Variants in KBTBD12 observed in about 807,000 individuals in gnomAD.
The protein encoded by KBTBD12 is kelch repeat and BTB domain-containing protein 12.
KBTBD12 carries 53 observed loss-of-function variants against 58.7 expected under a neutral mutation model. That is an observed-to-expected ratio of 0.90 (90% CI 0.72 to 1.14). The LOEUF (loss-of-function observed/expected upper bound fraction) is 1.14, where lower values mean the gene tolerates loss of function less well. Among genes scored for constraint, KBTBD12 ranks in the 50% most tolerant of loss-of-function variants. KBTBD12 has a pLI of 0.00. For missense variants in KBTBD12, 704 were observed against 751.3 expected (o/e 0.94, Z 0.74); for synonymous variants, 236 against 259.8 (o/e 0.91, Z 0.88).
intron 2 of KBTBD12, among the ~76,000 whole-genome samples, chr3:127,924,864 T>A (rs1939526520): frequency 6.6e-6 from 1 of 152,210 alleles, no homozygotes; most frequent in Non-Finnish European, 1.5e-5. Flanking sequence ...ATAGGTTTAT[T>A]TACTGTTTAT....
At chr3:127,952,534 G>A (rs1223642351) in intron 4 of KBTBD12, among the ~76,000 whole-genome samples, 1 of 152,074 alleles carries the variant, frequency 6.6e-6, no homozygotes, top group African/African-American at 2.4e-5. Context: ...CATATAAATA[G>A]ATTTTACATA....
chr3:127,939,002 C>T (rs374169969), intron 4 of KBTBD12, among the ~76,000 whole-genome samples: 1 of 152,270 alleles, frequency 6.6e-6, no homozygotes, highest in Non-Finnish European at 1.5e-5. Context: ...ACTAGAAACC[C>T]GGAAGTGGCC....
chr3:127,940,836 C>G (rs1280961485), intron 4 of KBTBD12, among the ~76,000 whole-genome samples: 3 of 151,914 alleles, frequency 2.0e-5, no homozygotes, highest in African/African-American at 4.8e-5. Context: ...AAGAGGAATA[C>G]AGTACAGATT....
chr3:127,932,461 C>T (rs1315628404), intron 4 of KBTBD12, among the ~76,000 whole-genome samples: 4 of 152,102 alleles, frequency 2.6e-5, no homozygotes, highest in African/African-American at 9.7e-5. Context: ...TCTATATGTA[C>T]CTCCACTGTG....
chr3:127,934,456 C>T (rs557518440), intron 4 of KBTBD12, among the ~76,000 whole-genome samples: 3 of 152,042 alleles, frequency 2.0e-5, no homozygotes, highest in African/African-American at 7.2e-5. Flanking sequence ...GATGGAATAT[C>T]AAACCTATGA....
At chr3:127,982,671 G>T (rs1940892716) in intron 5 of KBTBD12, among the ~76,000 whole-genome samples, 2 of 152,130 alleles carry the variant, frequency 1.3e-5, no homozygotes, top group African/African-American at 4.8e-5. Flanking sequence ...CAGGGTATTT[G>T]CCCTCCCTGC....
intron 5 of KBTBD12, among the ~76,000 whole-genome samples, chr3:127,979,118 AC>A (rs1283873259): frequency 6.6e-6 from 1 of 152,234 alleles, no homozygotes; most frequent in Non-Finnish European, 1.5e-5. Flanking sequence ...ATACAAATAA[AC>A]AAAAAAATCA....
intron 4 of KBTBD12, among the ~76,000 whole-genome samples, chr3:127,950,126 G>A (rs1432359790): frequency 6.6e-6 from 1 of 152,066 alleles, no homozygotes; most frequent in Non-Finnish European, 1.5e-5. Context: ...TTGTTCTTGA[G>A]TAATTTAACT....
intron 4 of KBTBD12, among the ~76,000 whole-genome samples, chr3:127,960,996 A>G (rs2107608882): frequency 6.6e-6 from 1 of 152,320 alleles, no homozygotes; most frequent in South Asian, 2.1e-4. Flanking sequence ...TGGATTCAGG[A>G]TGCTGGTTGC....
chr3:127,947,704 G>A (rs1940113835), intron 4 of KBTBD12, among the ~76,000 whole-genome samples: 1 of 152,180 alleles, frequency 6.6e-6, no homozygotes, highest in Non-Finnish European at 1.5e-5. Context: ...AGGTTCCTCT[G>A]TGCAGATCCT....
chr3:127,980,478 C>T (rs1310203095), intron 5 of KBTBD12, among the ~76,000 whole-genome samples: 4 of 152,086 alleles, frequency 2.6e-5, no homozygotes, highest in African/African-American at 4.8e-5. Flanking sequence ...TACAGGTGGG[C>T]GCTACCACGC....
chr3:127,920,485 G>A (rs112243820), intron 1 of KBTBD12, among the ~76,000 whole-genome samples: 2 of 147,578 alleles, frequency 1.4e-5, no homozygotes, highest in African/African-American at 5.0e-5. Context: ...CCAAATTTTT[G>A]CTATTTCAAA....
intron 4 of KBTBD12, among the ~76,000 whole-genome samples, chr3:127,961,343 T>TG (rs1940434982): frequency 6.6e-6 from 1 of 152,134 alleles, no homozygotes; most frequent in Non-Finnish European, 1.5e-5. Flanking sequence ...GTCCCCTCCT[T>TG]GGAAACGCTG....
chr3:127,982,391 C>T (rs1576398980), intron 5 of KBTBD12, among the ~76,000 whole-genome samples: 1 of 152,228 alleles, frequency 6.6e-6, no homozygotes, highest in East Asian at 1.9e-4. Flanking sequence ...CCCCCACACC[C>T]CGGGAGACAG....
chr3:127,925,868 TATC>T (rs921587069), intron 2 of KBTBD12, among the ~76,000 whole-genome samples: 3 of 152,204 alleles, frequency 2.0e-5, no homozygotes, highest in African/African-American at 7.2e-5. Flanking sequence ...ATAAGAAATT[TATC>T]ATCCTGTGCT....
chr3:127,941,548 C>T (rs937192782), intron 4 of KBTBD12, among the ~76,000 whole-genome samples: 2 of 152,124 alleles, frequency 1.3e-5, no homozygotes, highest in African/African-American at 4.8e-5. Context: ...TGATAAAAGA[C>T]ACCTATGAAA....
At chr3:127,940,105 T>G (rs1294618823) in intron 4 of KBTBD12, among the ~76,000 whole-genome samples, 5 of 152,084 alleles carry the variant, frequency 3.3e-5, no homozygotes, top group African/African-American at 1.2e-4. Context: ...CCAAATTACA[T>G]GCAGTGAAAT....
chr3:127,924,265 T>G, intron 2 of KBTBD12, 134 bp downstream of exon 2: 1 of 571,498 alleles, frequency 1.7e-6, no homozygotes, highest in Non-Finnish European at 3.1e-6. Context: ...CCATAAGGAA[T>G]AGTATACAGA....
intron 4 of KBTBD12, among the ~76,000 whole-genome samples, chr3:127,931,692 A>G (rs570305243): frequency 2.6e-5 from 4 of 152,190 alleles, no homozygotes; most frequent in Admixed American, 2.6e-4. Context: ...ACTTCATGGC[A>G]TGGACACTGT....
Sources: allele counts gnomAD v4.1 joint callset (sites outside exome capture counted in the v4.1 genomes callset), GRCh38; gene constraint gnomAD v4.1.1; transcripts MANE v1.5; gene names NCBI Gene and HGNC (gene_info 2026-07-23, HGNC 2026-07-21).